The following C3orf20 variants were observed in gnomAD, a reference collection of about 807,000 sequenced individuals.
The protein encoded by C3orf20 is family with sequence similarity 149 member C, also known as uncharacterized protein C3orf20.
Under a neutral mutation model 88.3 loss-of-function variants are expected in C3orf20, and 76 were observed. That is an observed-to-expected ratio of 0.86 (90% CI 0.72 to 1.04). The LOEUF is 1.04. C3orf20 is among the 50% of genes least tolerant of loss of function. The pLI, the probability that C3orf20 is intolerant of heterozygous loss-of-function variation, is 0.00. For synonymous variants in C3orf20, 436 were observed against 437.4 expected (o/e 1.00, Z 0.04); for missense variants, 1,056 against 1,123.3 (o/e 0.94, Z 0.86).
At chr3:14,721,534 A>T in intron 9 of C3orf20, 119 bp from the exon 10 acceptor site, 1 of 1,374,242 alleles carries the variant, frequency 7.3e-7, no homozygotes, top group Non-Finnish European at 9.9e-7. Flanking sequence ...AGAACTGGAA[A>T]GCTCTTACAA....
At chr3:14,742,975 G>C (rs1257243552) in intron 12 of C3orf20, among the ~76,000 whole-genome samples, 1 of 151,926 alleles carries the variant, frequency 6.6e-6, no homozygotes, top group Non-Finnish European at 1.5e-5. Context: ...TTCAAGTTGA[G>C]ATTTCAGTGG....
intron 12 of C3orf20, among the ~76,000 whole-genome samples, chr3:14,746,769 G>T (rs1360175648): frequency 6.6e-6 from 1 of 152,196 alleles, no homozygotes; most frequent in Non-Finnish European, 1.5e-5. Context: ...ATTGAGTTCT[G>T]TCTTCTTAGA....
At position 14,690,060 on chromosome 3, in the gene C3orf20, C is replaced by T; in HGVS notation, c.689C>T (p.Ser230Phe). ...NSPYQLIYHS[S>F]TACLSFSLSA... Reference sequence around the variant, plus strand: ...CCTTACCAGCTGATCTACCACTCTTCCACAGCCTGTCTGAGCTTTTCTCTC... The same window carrying T: ...CCTTACCAGCTGATCTACCACTCTTTCACAGCCTGTCTGAGCTTTTCTCTC... Residue 230 changes from serine (S) to phenylalanine (F), a missense_variant, in exon 5 of 17, where the codon TCC (serine) becomes TTC (phenylalanine). Coordinates refer to ENST00000253697, the MANE Select transcript of C3orf20 (RefSeq NM_032137.5). The T allele has an allele frequency of 6.2e-7, 1 of 1,614,234 alleles. No homozygotes were observed. The highest frequency in any genetic ancestry group is 8.5e-7 in the Non-Finnish European group (1 of 1,180,036).
At chr3:14,681,996 A>G (rs2032117885) in intron 1 of C3orf20, among the ~76,000 whole-genome samples, 174 bp from the exon 2 acceptor site, 1 of 152,244 alleles carries the variant, frequency 6.6e-6, no homozygotes, top group Non-Finnish European at 1.5e-5. Flanking sequence ...CAACTTTAAC[A>G]TCTCTGAAAT....
At chr3:14,715,223 A>G (rs9869372) in intron 8 of C3orf20, 66 bp from the exon 9 acceptor site, 1,401,483 of 1,575,018 alleles carry the variant, frequency 0.89, 625,116 homozygotes, top group Non-Finnish European at 0.91. Context: ...TCTGCCCATA[A>G]CCTGCGGTGA....
intron 11 of C3orf20, 44 bp from the exon 12 acceptor site, chr3:14,728,395 C>A (rs757799641): frequency 6.2e-7 from 1 of 1,609,546 alleles, no homozygotes; most frequent in African/African-American, 1.3e-5. Context: ...GCAGAGGAGT[C>A]CTGGCCATGA....
rs980898430 is a variant in C3orf20, at chr3:14,768,531, G to A, written c.2496-3536G>A. ...TTGAGCTGAGAGAGACTTGATCAGA[G>A]TTGGGCTTTAGACTCATGAACCTGG... is the stretch of plus-strand genomic sequence containing the variant. On this transcript the variant is annotated intron_variant, in intron 15 of 16. Transcript: ENST00000253697. This position sits in a 1 kb window ranked among gnomAD's most constrained non-coding sequence, Gnocchi z 4.1. Among the ~76,000 whole-genome samples, 2 of 152,058 alleles carry A rather than the reference G, an allele frequency of 1.3e-5. No individual in the cohort carries two copies. The highest frequency in any genetic ancestry group is 2.9e-5 in the Non-Finnish European group (2 of 68,030).
In C3orf20 at chr3:14,714,129, A is replaced by G. The variant is rs753641876; in HGVS notation, c.1283A>G (p.Gln428Arg). ...CTGGCCCTATTCAATACTGAAGGCC[A>G]GGGCTGTGTTCACTACAACCTAAAA... ...SLLALFNTEGQGCVHYNLKTS... is the reference protein window; with the variant it reads ...SLLALFNTEGRGCVHYNLKTS... The change falls in exon 8 of 17, where the codon CAG becomes CGG. Residue 428 changes from glutamine to arginine, a missense_variant. Transcript: ENST00000253697. 7.4e-6 allele frequency: 12 copies of G among 1,614,034 alleles called. No individual in the cohort carries two copies. The South Asian group carries it at 1.3e-4, about 18-fold the overall frequency.
At chr3:14,721,507 A>G (rs1049387436) in intron 9 of C3orf20, 146 bp from the exon 10 acceptor site, 3 of 1,169,500 alleles carry the variant, frequency 2.6e-6, no homozygotes, top group Non-Finnish European at 3.6e-6. Context: ...TTCTCCATGA[A>G]GCGGAATTCT....
chr3:14,738,630 C>CT (rs34407504), intron 12 of C3orf20, among the ~76,000 whole-genome samples: 6,565 of 73,458 alleles, frequency 0.089, 663 homozygotes, highest in African/African-American at 0.13. Context: ...CATGCCCGGC[C>CT]TTTTTTTTTT....
chr3:14,696,333 A>C (rs897487614), intron 5 of C3orf20, among the ~76,000 whole-genome samples: 3 of 149,944 alleles, frequency 2.0e-5, no homozygotes, highest in African/African-American at 7.3e-5. Context: ...TTCTATTTAT[A>C]TCTTATTGTA....
At position 14,772,272 on chromosome 3, in the gene C3orf20, G is replaced by A. The variant is rs2035880911; in HGVS notation, c.2630+71G>A. 3.1e-6 allele frequency: 5 copies of A among 1,596,176 alleles called. No individual in the cohort carries two copies. Among genetic ancestry groups the A allele is most frequent in the African/African-American group, 1.3e-5 (1 of 74,548 alleles). On this transcript the variant is annotated intron_variant, in intron 16 of 16. Coordinates refer to ENST00000253697, the MANE Select transcript of C3orf20 (RefSeq NM_032137.5). This position sits in a 1 kb window ranked among gnomAD's most constrained non-coding sequence, Gnocchi z 4.2. ...GCCACCTCGGGGCTATTTGGCCTTG[G>A]GCAAGTCACTACCCCCAGGCGTGGC... is the stretch of plus-strand genomic sequence containing the variant.
At position 14,714,190 on chromosome 3, in the gene C3orf20, G is replaced by A. The variant is rs186218531; in HGVS notation, c.1313+31G>A. The A allele has an allele frequency of 3.2e-4, 514 of 1,609,840 alleles. 1 individual carries two copies. The African/African-American group carries it at 4.9e-3, about 15-fold the overall frequency. ...TGGACTGGGAGAGTACTAGTCACACGGAAGTACCTCTGAGGGTGATGGAGG... is the reference window on the plus strand; with the variant it reads ...TGGACTGGGAGAGTACTAGTCACACAGAAGTACCTCTGAGGGTGATGGAGG... On this transcript the variant is annotated intron_variant, in intron 8 of 16. Transcript: ENST00000253697.
intron 7 of C3orf20, 108 bp downstream of exon 7, chr3:14,704,726 A>G (rs1169598803): frequency 2.2e-6 from 3 of 1,367,950 alleles, no homozygotes; most frequent in Non-Finnish European, 3.0e-6. Context: ...TTATCAGAGA[A>G]GCCTGGTGAT....
At chr3:14,720,770 A>G (rs2034129762) in intron 9 of C3orf20, among the ~76,000 whole-genome samples, 1 of 152,216 alleles carries the variant, frequency 6.6e-6, no homozygotes, top group Non-Finnish European at 1.5e-5. Flanking sequence ...GAATTGCTCT[A>G]CCTTGTCTTG....
intron 15 of C3orf20, chr3:14,765,366 C>T (rs1055434739): frequency 2.0e-5 from 3 of 152,220 alleles, no homozygotes; most frequent in African/African-American, 4.8e-5. Flanking sequence ...GGTCAGAGGC[C>T]ATGGAAGGGG....
chr3:14,703,540 G>A (rs985842469), intron 6 of C3orf20, among the ~76,000 whole-genome samples: 6 of 152,312 alleles, frequency 3.9e-5, no homozygotes, highest in East Asian at 1.9e-4. Context: ...TGTGGATGGG[G>A]AAACTGAGGC....
chr3:14,727,025 G>T lies in C3orf20; in HGVS notation c.1690+1G>T, dbSNP rs372149459. 23 of 1,614,042 alleles carry T rather than the reference G, an allele frequency of 1.4e-5. No homozygotes were observed. Among genetic ancestry groups the T allele is most frequent in the Non-Finnish European group, 1.9e-5 (23 of 1,180,042 alleles). ...ATTAATTCTATCTTGCTGGCCGCAG[G>T]TAAGGAGGCTGAAAGGTGGGCGAAG... On this transcript the variant is annotated splice_donor_variant, in intron 11 of 16. Transcript: ENST00000253697. LOFTEE classifies it high-confidence loss of function.
intron 12 of C3orf20, among the ~76,000 whole-genome samples, chr3:14,730,223 C>T (rs959811026): frequency 1.3e-5 from 2 of 152,158 alleles, no homozygotes; most frequent in African/African-American, 4.8e-5. Context: ...TTATGTATAG[C>T]AATAGTTTCT....
Sources: allele counts gnomAD v4.1 joint callset (sites outside exome capture counted in the v4.1 genomes callset), GRCh38; gene constraint gnomAD v4.1.1; non-coding constraint Gnocchi (gnomAD v3.1); transcripts MANE v1.5; gene names NCBI Gene and HGNC (gene_info 2026-07-23, HGNC 2026-07-21).